Variants in ANO6 observed in about 807,000 individuals in gnomAD.
ANO6 encodes the protein anoctamin 6.
In ANO6, 106 loss-of-function variants were observed where a neutral mutation model predicts 117.5. That is an observed-to-expected ratio of 0.90 (90% CI 0.77 to 1.06). The LOEUF (loss-of-function observed/expected upper bound fraction) is 1.06. Ranked by LOEUF, ANO6 falls within the 50% of genes least tolerant of loss-of-function variation. ANO6 has a pLI of 0.00. For synonymous variants in ANO6, 367 were observed against 385.1 expected (o/e 0.95, Z 0.55); for missense variants, 955 against 1,121.1 (o/e 0.85, Z 2.12).
chr12:45,349,830 ACAGGACAT>A (rs1941235875), intron 6 of ANO6, among the ~76,000 whole-genome samples: 1 of 152,214 alleles, frequency 6.6e-6, no homozygotes, highest in African/African-American at 2.4e-5. Flanking sequence ...ATTGCGAATA[ACAGGACAT>A]GAATTTTGAG....
Position 45,287,851 on chromosome 12 carries a change from A to T in ANO6, c.71-14163A>T, listed in dbSNP as rs143659998. Among the ~76,000 whole-genome samples the T allele has an allele frequency of 7.3e-3, 1,117 of 152,246 alleles. 7 individuals carry two copies. The highest frequency in any genetic ancestry group is 0.023 in the African/African-American group (967 of 41,552). On this transcript the variant is annotated intron_variant, in intron 1 of 19. Transcript: ENST00000320560. Reference sequence around the variant, plus strand: ...GTCAAGTATTAAAATATTAAAGATCACCTGACATCCCACTACTCCTTATCC... The same window carrying T: ...GTCAAGTATTAAAATATTAAAGATCTCCTGACATCCCACTACTCCTTATCC...
chr12:45,343,321 A>G (rs1278132801), intron 3 of ANO6, among the ~76,000 whole-genome samples: 2 of 152,166 alleles, frequency 1.3e-5, no homozygotes, highest in African/African-American at 4.8e-5. Context: ...TTTGTCTCCA[A>G]GAGCTAAAAT....
intron 1 of ANO6, among the ~76,000 whole-genome samples, chr12:45,266,844 A>G (rs181094896): frequency 2.0e-3 from 261 of 131,094 alleles, no homozygotes; most frequent in Middle Eastern, 7.8e-3. Flanking sequence ...GTGTGTGTGT[A>G]TAATATGGCT....
At chr12:45,275,798 G>A (rs1035019779) in intron 1 of ANO6, among the ~76,000 whole-genome samples, 2 of 152,026 alleles carry the variant, frequency 1.3e-5, no homozygotes, top group Non-Finnish European at 2.9e-5. Flanking sequence ...TCCTCTACTG[G>A]CATTTCCTTC....
chr12:45,438,076 G>A (rs1943727894), intron 19 of ANO6, among the ~76,000 whole-genome samples: 1 of 152,058 alleles, frequency 6.6e-6, no homozygotes, highest in South Asian at 2.1e-4. Flanking sequence ...CTCTGTCTCT[G>A]ATGCAGGGTC....
intron 1 of ANO6, among the ~76,000 whole-genome samples, chr12:45,260,049 T>C (rs997672036): frequency 6.6e-6 from 1 of 152,248 alleles, no homozygotes; most frequent in Non-Finnish European, 1.5e-5. Flanking sequence ...TATACTTTTG[T>C]TCTAGAACAT....
At chr12:45,280,508 C>T (rs1380115490) in intron 1 of ANO6, among the ~76,000 whole-genome samples, 1 of 152,202 alleles carries the variant, frequency 6.6e-6, no homozygotes, top group Non-Finnish European at 1.5e-5. Context: ...CATAGTTCTC[C>T]TGGTTATTGT....
intron 15 of ANO6, among the ~76,000 whole-genome samples, chr12:45,407,299 T>G (rs1486154153): frequency 5.3e-5 from 8 of 152,086 alleles, no homozygotes; most frequent in Admixed American, 2.6e-4. Flanking sequence ...TTGATGTGAT[T>G]TAGAGCCCAG....
chr12:45,373,794 T>C (rs1041939219), intron 9 of ANO6, among the ~76,000 whole-genome samples: 2 of 151,720 alleles, frequency 1.3e-5, no homozygotes, highest in South Asian at 2.1e-4. Flanking sequence ...ACATCACAAT[T>C]AAAAGAACTG....
chr12:45,439,668 G>C lies in ANO6; in HGVS notation c.2527-7G>C, dbSNP rs1313647394. 3.0e-6 allele frequency: 1 copy of C among 329,554 alleles called. No individual in the cohort carries two copies. Among genetic ancestry groups the C allele is most frequent in the Non-Finnish European group, 4.1e-6 (1 of 242,610 alleles). 20.4% of individuals were successfully genotyped at this position (329,554 alleles called of 1,614,324 possible). A position where few individuals can be genotyped will look rare whatever the true frequency, so the allele number is the denominator to read the frequency against. The stretch of plus-strand genomic sequence containing the variant: ...ATTGCTTTTTTTTTTTTTTTTTTTT[G>C]AGACAGTATCTCGCTTTGTTGCCCA... On this transcript the variant is annotated splice_region_variant and splice_polypyrimidine_tract_variant and intron_variant, in intron 19 of 19. Coordinates refer to the ANO6 transcript ENST00000425752.
chr12:45,318,597 G>A (rs1592957936), intron 2 of ANO6, among the ~76,000 whole-genome samples: 1 of 152,124 alleles, frequency 6.6e-6, no homozygotes, highest in South Asian at 2.1e-4. Context: ...GGATTGACTT[G>A]GCAATGCGGG....
intron 16 of ANO6, among the ~76,000 whole-genome samples, chr12:45,410,315 C>A (rs1943055553): frequency 6.6e-6 from 1 of 152,154 alleles, no homozygotes; most frequent in African/African-American, 2.4e-5. Context: ...CTGCCTGGTT[C>A]CTTGAGTGAC....
At chr12:45,321,454 A>G (rs1178654312) in intron 2 of ANO6, among the ~76,000 whole-genome samples, 2 of 152,136 alleles carry the variant, frequency 1.3e-5, no homozygotes, top group Admixed American at 1.3e-4. Flanking sequence ...TCATTTCATT[A>G]TATGATATGA....
At chr12:45,268,541 A>G (rs1938292762) in intron 1 of ANO6, among the ~76,000 whole-genome samples, 1 of 152,122 alleles carries the variant, frequency 6.6e-6, no homozygotes, top group Non-Finnish European at 1.5e-5. Flanking sequence ...AAATAAATAA[A>G]TAAAATACAT....
intron 1 of ANO6, among the ~76,000 whole-genome samples, chr12:45,280,828 T>G (rs376336907): frequency 6.6e-6 from 1 of 152,158 alleles, no homozygotes. Context: ...CAAAAATGCA[T>G]ATACATTGTG....
intron 15 of ANO6, among the ~76,000 whole-genome samples, chr12:45,408,529 A>G (rs996998632): frequency 5.3e-5 from 8 of 152,252 alleles, no homozygotes; most frequent in African/African-American, 1.4e-4. Context: ...ACGGGTGGAC[A>G]GAGCGCTGGG....
intron 1 of ANO6, chr12:45,228,101 A>G (rs1947513349): frequency 2.1e-5 from 8 of 383,904 alleles, no homozygotes; most frequent in South Asian, 1.3e-4. Flanking sequence ...GGCCTATCCT[A>G]TTCTCCTAGG....
chr12:45,226,426 G>GAA (rs10652406), intron 1 of ANO6, among the ~76,000 whole-genome samples: 146,470 of 150,056 alleles, frequency 0.98, 71,500 homozygotes, highest in East Asian at 1. Context: ...ACTTGAAATT[G>GAA]AAAAAAAAAG....
At chr12:45,410,384 T>TAG (rs1943057138) in intron 16 of ANO6, among the ~76,000 whole-genome samples, 1 of 152,204 alleles carries the variant, frequency 6.6e-6, no homozygotes, top group Non-Finnish European at 1.5e-5. Flanking sequence ...AATTAAGATT[T>TAG]AGCACAGGTC....
Sources: gnomAD v4.1 joint callset for allele counts (sites outside exome capture counted in the v4.1 genomes callset) on GRCh38, gnomAD v4.1.1 for gene constraint, MANE v1.5 for transcripts, NCBI Gene and HGNC (gene_info 2026-07-23, HGNC 2026-07-21) for gene names.